The following HECW2 variants were observed in gnomAD, a reference collection of about 807,000 sequenced individuals.
The protein encoded by HECW2 is HECT, C2 and WW domain containing E3 ubiquitin protein ligase 2.
HECW2 carries 61 observed loss-of-function variants against 175.2 expected under a neutral mutation model. The observed-to-expected ratio is 0.35, with a 90% CI of 0.28 to 0.43. HECW2 has a LOEUF of 0.43. Ranked by LOEUF, HECW2 falls within the 20% of genes least tolerant of loss-of-function variation. The probability of loss-of-function intolerance (pLI) is 1.00; values close to 1 mark genes in which losing one functional copy is unlikely to be tolerated. For synonymous variants in HECW2, 671 were observed against 731.0 expected, an observed-to-expected ratio of 0.92 and a Z score of 1.32; for missense variants, 1,524 against 2,000.5, an observed-to-expected ratio of 0.76 and a Z score of 4.54.
intron 1 of HECW2, among the ~76,000 whole-genome samples, chr2:196,516,228 A>G (rs1351142550): frequency 6.6e-6 from 1 of 152,252 alleles, no homozygotes; most frequent in East Asian, 1.9e-4. Context: ...AACATGGTTT[A>G]GGAAGCAAGC....
At chr2:196,357,094 T>C (rs1440842725) in intron 2 of HECW2, among the ~76,000 whole-genome samples, 1 of 152,148 alleles carries the variant, frequency 6.6e-6, no homozygotes, top group Non-Finnish European at 1.5e-5. Flanking sequence ...ATGATAAAGA[T>C]AACTCTGGCT....
chr2:196,527,158 A>G (rs1688689128), intron 1 of HECW2, among the ~76,000 whole-genome samples: 3 of 152,208 alleles, frequency 2.0e-5, no homozygotes, highest in African/African-American at 7.2e-5. Flanking sequence ...CCTCCCAGCC[A>G]GGTGTGGGAT....
intron 1 of HECW2, among the ~76,000 whole-genome samples, chr2:196,531,095 G>A (rs1485227312): frequency 6.6e-6 from 1 of 152,134 alleles, no homozygotes; most frequent in Non-Finnish European, 1.5e-5. Context: ...ACTTTCAGCT[G>A]TCATTTTACG....
At chr2:196,388,378 A>G (rs1457590937) in intron 2 of HECW2, among the ~76,000 whole-genome samples, 1 of 152,206 alleles carries the variant, frequency 6.6e-6, no homozygotes, top group Non-Finnish European at 1.5e-5. Context: ...CTTTAGGTCT[A>G]TCGATTTAAT....
intron 2 of HECW2, among the ~76,000 whole-genome samples, chr2:196,356,707 T>C (rs966270792): frequency 6.6e-6 from 1 of 152,202 alleles, no homozygotes; most frequent in African/African-American, 2.4e-5. Context: ...AGAAGCTATT[T>C]TGAGAGAGAG....
rs576623868 is a variant in HECW2 at position 196,404,620 on chromosome 2, A to G, written c.292+28512T>C. On this transcript the variant is annotated intron_variant, in intron 2 of 28. Transcript: ENST00000644978. ...TTCCTGTCTTTTGGCACATTTCTGC[A>G]TTCAAACATTTCCTGATCTTCCAGG... Among the ~76,000 whole-genome samples the G allele has an allele frequency of 2.5e-3, 375 of 152,176 alleles. 1 individual carries two copies. The highest frequency in any genetic ancestry group is 4.1e-3 in the Non-Finnish European group (278 of 67,994).
chr2:196,219,623 G>C (rs546499762), intron 26 of HECW2, among the ~76,000 whole-genome samples: 43 of 152,296 alleles, frequency 2.8e-4, no homozygotes, highest in Non-Finnish European at 5.1e-4. Context: ...CTGATAAGGA[G>C]CGTAGTGAAC....
chr2:196,450,925 CCAAATTTGTTAAA>C (rs1437174908), intron 1 of HECW2, among the ~76,000 whole-genome samples: 1 of 152,066 alleles, frequency 6.6e-6, no homozygotes, highest in East Asian at 1.9e-4. Context: ...CCAAGTATAT[CCAAATTTGTTAAA>C]CAAATTTAAA....
At chr2:196,282,825 C>A (rs996221991) in intron 14 of HECW2, among the ~76,000 whole-genome samples, 6 of 152,100 alleles carry the variant, frequency 3.9e-5, no homozygotes, top group Non-Finnish European at 8.8e-5. Context: ...ATATCCAACC[C>A]CCCACTTTCC....
chr2:196,491,365 T>TACACACACACAC (rs757194604), intron 1 of HECW2, among the ~76,000 whole-genome samples: 1 of 100,674 alleles, frequency 9.9e-6, no homozygotes, highest in Non-Finnish European at 2.0e-5. Flanking sequence ...AAATCATATA[T>TACACACACACAC]ATATACACAC....
At chr2:196,359,857 C>T (rs928581472) in intron 2 of HECW2, among the ~76,000 whole-genome samples, 3 of 152,224 alleles carry the variant, frequency 2.0e-5, no homozygotes, top group Non-Finnish European at 4.4e-5. Context: ...AATACCAGCA[C>T]TTTGGGAGGC....
chr2:196,438,933 A>C (rs1368290182), intron 1 of HECW2, among the ~76,000 whole-genome samples: 1 of 152,114 alleles, frequency 6.6e-6, no homozygotes, highest in Non-Finnish European at 1.5e-5. Context: ...TCAGGGGAGG[A>C]GATGAAGTGG....
At chr2:196,313,244 T>C (rs949712378) in intron 10 of HECW2, among the ~76,000 whole-genome samples, 1 of 152,216 alleles carries the variant, frequency 6.6e-6, no homozygotes, top group African/African-American at 2.4e-5. Flanking sequence ...GGGCTGGCGA[T>C]TGTTTTTTCA....
chr2:196,519,618 C>T (rs1688276944), intron 1 of HECW2, among the ~76,000 whole-genome samples: 3 of 152,204 alleles, frequency 2.0e-5, no homozygotes, highest in African/African-American at 7.2e-5. Flanking sequence ...AAGGTAAAAG[C>T]TTCCCAGAAA....
intron 1 of HECW2, among the ~76,000 whole-genome samples, chr2:196,572,714 G>A (rs567675898): frequency 6.6e-6 from 1 of 152,258 alleles, no homozygotes; most frequent in South Asian, 2.1e-4. Flanking sequence ...AGGTCACAAG[G>A]GTAGAGCCTT....
chr2:196,525,815 T>C (rs1318630479), intron 1 of HECW2, among the ~76,000 whole-genome samples: 1 of 99,598 alleles, frequency 1.0e-5, no homozygotes. Context: ...CCCCACTCTC[T>C]TCTGGCTTGT....
intron 27 of HECW2, among the ~76,000 whole-genome samples, chr2:196,216,256 C>T (rs910003250): frequency 1.4e-4 from 22 of 152,262 alleles, no homozygotes; most frequent in Middle Eastern, 3.4e-3. Flanking sequence ...AAGCTTAAAC[C>T]GGGCACATTT....
Position 196,343,660 on chromosome 2 carries a change from C to A in HECW2, c.397G>T (p.Glu133Ter), listed in dbSNP as rs768757295. 6.3e-7 allele frequency: 1 copy of A among 1,598,574 alleles called. No homozygotes were observed. Among genetic ancestry groups the A allele is most frequent in the Non-Finnish European group, 8.6e-7 (1 of 1,166,072 alleles). Residue 133 changes from glutamate to a stop codon, truncating the protein, a stop_gained, in exon 3 of 29, where the codon GAA becomes TAA. Transcript: ENST00000644978. LOFTEE classifies it high-confidence loss of function. ...WRIEPGPYFM[E>*]PEIKICFKYY... The stretch of plus-strand genomic sequence containing the variant: ...TATTTCACACTTAGTTACTTACGTT[C>A]CATGAAATAGGGCCCAGGCTCAATT...
intron 1 of HECW2, among the ~76,000 whole-genome samples, chr2:196,519,772 C>G (rs1274771549): frequency 6.6e-6 from 1 of 152,162 alleles, no homozygotes; most frequent in Non-Finnish European, 1.5e-5. Context: ...ATGGCACTTA[C>G]ATTACCTGGA....
Sources: gnomAD v4.1 joint callset for allele counts (sites outside exome capture counted in the v4.1 genomes callset) on GRCh38, gnomAD v4.1.1 for gene constraint, MANE v1.5 for transcripts, NCBI Gene and HGNC (gene_info 2026-07-23, HGNC 2026-07-21) for gene names.